LRRC37A2: variants seen among roughly 807,000 people sequenced by gnomAD.
LRRC37A2 encodes leucine-rich repeat-containing protein 37A2.
LRRC37A2 carries 9 observed loss-of-function variants against 68.8 expected under a neutral mutation model. That is an observed-to-expected ratio of 0.13 (90% CI 0.08 to 0.23). The LOEUF (loss-of-function observed/expected upper bound fraction) is 0.23, where lower values mean the gene tolerates loss of function less well. Among genes scored for constraint, LRRC37A2 ranks in the 10% least tolerant of loss-of-function variants. The pLI is 1.00. For missense variants in LRRC37A2, 168 were observed against 950.4 expected, an observed-to-expected ratio of 0.18 and a Z score of 10.82; for synonymous variants, 63 against 367.6, an observed-to-expected ratio of 0.17 and a Z score of 9.48.
At chr17:47,044,774 G>T in the LRRC37A2 span, among the ~76,000 whole-genome samples, 1 of 150,272 alleles carries the variant, frequency 6.7e-6, no homozygotes. Flanking sequence ...CACTTTGGGA[G>T]GCCAAAGAGA....
At chr17:46,771,428 C>G in the LRRC37A2 span, among the ~76,000 whole-genome samples, 1 of 150,918 alleles carries the variant, frequency 6.6e-6, no homozygotes, top group African/African-American at 2.4e-5. Flanking sequence ...GGCCGGCCTG[C>G]GGCCTCTCGC....
chr17:46,796,092 G>T, the LRRC37A2 span, among the ~76,000 whole-genome samples: 2 of 152,228 alleles, frequency 1.3e-5, no homozygotes, highest in African/African-American at 4.8e-5. Flanking sequence ...ACGCCTGCAG[G>T]CCAGGGCTTT....
At chr17:46,809,471 C>T in the LRRC37A2 span, among the ~76,000 whole-genome samples, 1 of 152,194 alleles carries the variant, frequency 6.6e-6, no homozygotes, top group African/African-American at 2.4e-5. Context: ...ATCCCCCTCC[C>T]CAACACACAC....
At chr17:46,900,220 CAT>C in the LRRC37A2 span, among the ~76,000 whole-genome samples, 1,420 of 122,054 alleles carry the variant, frequency 0.012, 46 homozygotes, top group African/African-American at 0.048. Flanking sequence ...CACACACACA[CAT>C]ATATATATAT....
chr17:46,747,689 G>A, the LRRC37A2 span, among the ~76,000 whole-genome samples: 9 of 152,128 alleles, frequency 5.9e-5, no homozygotes, highest in Non-Finnish European at 1.0e-4. Context: ...TGTAAAGGTT[G>A]GAAGATAAAA....
chr17:46,609,908 C>G, the LRRC37A2 span, among the ~76,000 whole-genome samples: 1 of 142,892 alleles, frequency 7.0e-6, no homozygotes, highest in South Asian at 2.1e-4. Context: ...TCCCTGTAGC[C>G]TTGACCTCCT....
the LRRC37A2 span, among the ~76,000 whole-genome samples, chr17:46,689,901 TCG>T: frequency 6.6e-6 from 1 of 151,232 alleles, no homozygotes; most frequent in Non-Finnish European, 1.5e-5. Flanking sequence ...ACATTTGTAA[TCG>T]CAGCACTTTG....
the LRRC37A2 span, chr17:46,922,954 C>A: frequency 1.7e-6 from 1 of 591,980 alleles, no homozygotes; most frequent in South Asian, 2.0e-5. Context: ...AACATGTACA[C>A]CGCCTTGCCC....
At chr17:46,491,103 C>T in the LRRC37A2 span, among the ~76,000 whole-genome samples, 3 of 150,936 alleles carry the variant, frequency 2.0e-5, no homozygotes, top group South Asian at 6.2e-4. Context: ...CACCGTGTTG[C>T]CCAGGCTGGT....
At chr17:46,494,761 G>T in the LRRC37A2 span, among the ~76,000 whole-genome samples, 1 of 151,220 alleles carries the variant, frequency 6.6e-6, no homozygotes, top group Non-Finnish European at 1.5e-5. Context: ...GATACAGTGT[G>T]TAATGATCAA....
the LRRC37A2 span, chr17:46,721,582 T>G: frequency 6.5e-7 from 1 of 1,528,866 alleles, no homozygotes; most frequent in Non-Finnish European, 9.0e-7. Flanking sequence ...CCATTTTTGT[T>G]TACAATTGAA....
chr17:46,984,734 C>A, the LRRC37A2 span, among the ~76,000 whole-genome samples: 1 of 152,140 alleles, frequency 6.6e-6, no homozygotes, highest in African/African-American at 2.4e-5. Context: ...GATGGACCCG[C>A]CAGAAGGAAA....
chr17:46,490,064 TG>T, the LRRC37A2 span, among the ~76,000 whole-genome samples: 1 of 150,870 alleles, frequency 6.6e-6, no homozygotes, highest in Non-Finnish European at 1.5e-5. Flanking sequence ...AAGTCATTCT[TG>T]TGTGGACCTC....
At chr17:46,812,317 C>G in the LRRC37A2 span, among the ~76,000 whole-genome samples, 2 of 152,068 alleles carry the variant, frequency 1.3e-5, no homozygotes, top group Non-Finnish European at 2.9e-5. Flanking sequence ...TGCCTCCCCA[C>G]ACATACCTCC....
the LRRC37A2 span, among the ~76,000 whole-genome samples, chr17:46,724,793 G>C: frequency 6.6e-6 from 1 of 152,112 alleles, no homozygotes; most frequent in Non-Finnish European, 1.5e-5. Context: ...AATGAATAAG[G>C]CAGCACTCCA....
At chr17:46,817,635 C>A in the LRRC37A2 span, among the ~76,000 whole-genome samples, 7 of 142,872 alleles carry the variant, frequency 4.9e-5, no homozygotes, top group African/African-American at 1.3e-4. Flanking sequence ...CACGCACAGC[C>A]CCCCCCAAGC....
At chr17:46,777,844 A>G in the LRRC37A2 span, among the ~76,000 whole-genome samples, 6 of 152,136 alleles carry the variant, frequency 3.9e-5, no homozygotes, top group Non-Finnish European at 8.8e-5. Context: ...TCTGAGAACA[A>G]TTCCTGAGCC....
At chr17:46,828,774 C>T in the LRRC37A2 span, among the ~76,000 whole-genome samples, 1 of 149,572 alleles carries the variant, frequency 6.7e-6, no homozygotes, top group African/African-American at 2.5e-5. Flanking sequence ...GACTGGGCAA[C>T]TTGGTGAAAC....
At chr17:46,808,806 AAAAAAG>A in the LRRC37A2 span, among the ~76,000 whole-genome samples, 1 of 152,204 alleles carries the variant, frequency 6.6e-6, no homozygotes, top group Non-Finnish European at 1.5e-5. Flanking sequence ...TGGGATTAAA[AAAAAAG>A]AAAAAGAAAC....
Sources: gnomAD v4.1 joint callset for allele counts (sites outside exome capture counted in the v4.1 genomes callset) on GRCh38, gnomAD v4.1.1 for gene constraint, MANE v1.5 for transcripts, NCBI Gene and HGNC (gene_info 2026-07-23, HGNC 2026-07-21) for gene names.